PTPRS: variants seen among roughly 807,000 people sequenced by gnomAD.
PTPRS encodes receptor-type tyrosine-protein phosphatase S.
A neutral mutation model predicts 215.3 loss-of-function variants in PTPRS; 63 were observed. The observed-to-expected ratio is 0.29, with a 90% CI of 0.24 to 0.36. PTPRS has a LOEUF of 0.36. Among genes scored for constraint, PTPRS ranks in the 10% least tolerant of loss-of-function variants. The pLI, the probability that PTPRS is intolerant of heterozygous loss-of-function variation, is 1.00. For missense variants in PTPRS, 2,258 were observed against 2,825.8 expected, an observed-to-expected ratio of 0.80 and a Z score of 4.56; for synonymous variants, 1,404 against 1,191.4, an observed-to-expected ratio of 1.18 and a Z score of -3.68.
chr19:5,287,709 T>C lies in PTPRS; in HGVS notation c.-94-1475A>G, dbSNP rs920805869. Among the ~76,000 whole-genome samples, 11 of 151,920 alleles carry C rather than the reference T, an allele frequency of 7.2e-5. No individual in the cohort carries two copies. Among genetic ancestry groups the C allele is most frequent in the African/African-American group, 2.7e-4 (11 of 41,358 alleles). On this transcript the variant is annotated intron_variant, in intron 1 of 37. Coordinates refer to ENST00000262963, the MANE Select transcript of PTPRS (RefSeq NM_002850.4). The surrounding 1 kb of genome is among the most constrained non-coding windows in gnomAD (Gnocchi z 4.8). ...CCCTGGGGCGGTCCCAGGGGAAGGA[T>C]GGGCGGGTAGTGGCCGGGTCACAGC...
chr19:5,235,222 G>T (rs1222743516), intron 13 of PTPRS, among the ~76,000 whole-genome samples: 1 of 152,088 alleles, frequency 6.6e-6, no homozygotes, highest in East Asian at 1.9e-4. Context: ...TTACAGGCAT[G>T]AGCCGCCGCG....
At position 5,339,362 on chromosome 19, in the gene PTPRS, C is replaced by A. The variant is rs547679000; in HGVS notation, c.-95+1302G>T. ...CTTGGAAGCTGCATATTTAGGGAGACGAGAAGACGATTTGAGACTGGGGAA... is the reference window on the plus strand; with the variant it reads ...CTTGGAAGCTGCATATTTAGGGAGAAGAGAAGACGATTTGAGACTGGGGAA... On this transcript the variant is annotated intron_variant, in intron 1 of 37. Transcript: ENST00000262963. The surrounding 1 kb of genome is among the most constrained non-coding windows in gnomAD (Gnocchi z 4.2). 6.6e-6 allele frequency among the ~76,000 whole-genome samples: 1 copy of A among 151,604 alleles called. No homozygotes were observed.
chr19:5,211,522 T>A (rs1031636298), intron 33 of PTPRS, 68 bp downstream of exon 33: 1 of 1,494,294 alleles, frequency 6.7e-7, no homozygotes, highest in Non-Finnish European at 9.1e-7. Context: ...CCCACAAGAC[T>A]GGAGGCCTCT....
intron 1 of PTPRS, among the ~76,000 whole-genome samples, chr19:5,325,828 C>T (rs1407692617): frequency 1.3e-5 from 2 of 152,226 alleles, no homozygotes; most frequent in African/African-American, 4.8e-5. Flanking sequence ...ATCACCTTCT[C>T]CCCAGGCCAT....
At chr19:5,260,703 C>T in intron 7 of PTPRS, 102 bp downstream of exon 7, 2 of 1,421,580 alleles carry the variant, frequency 1.4e-6, no homozygotes, top group Non-Finnish European at 2.0e-6. Context: ...GCAGGGTGGA[C>T]ACGCATGGAA....
At chr19:5,340,351 T>A (rs1015133855) in intron 1 of PTPRS, among the ~76,000 whole-genome samples, 15 of 150,904 alleles carry the variant, frequency 9.9e-5, no homozygotes, top group African/African-American at 2.9e-4. Context: ...CAGCTTCCAA[T>A]GCCGCGCTCT....
chr19:5,330,382 C>T (rs1012391721), intron 1 of PTPRS, among the ~76,000 whole-genome samples: 1 of 152,250 alleles, frequency 6.6e-6, no homozygotes, highest in African/African-American at 2.4e-5. Context: ...TGAGAAAACA[C>T]AGGGCCAGGC....
At position 5,227,709 on chromosome 19, in the gene PTPRS, C is replaced by A. The variant is rs555513147; in HGVS notation, c.2376+1607G>T. ...ACAGGCGTGAGCCACCATGCCCTGC[C>A]GATGTGTGTTTTGTTCCGATTAACA... On this transcript the variant is annotated intron_variant, in intron 16 of 37. Transcript: ENST00000262963. 7.9e-5 allele frequency among the ~76,000 whole-genome samples: 12 copies of A among 152,250 alleles called. No individual in the cohort carries two copies. In the East Asian group the frequency reaches 2.1e-3, roughly 27 times the overall value.
At chr19:5,340,638 GATTTT>G in intron 1 of PTPRS, 21 bp downstream of exon 1, 1 of 141,928 alleles carries the variant, frequency 7.0e-6, no homozygotes, top group Non-Finnish European at 1.5e-5. Context: ...TCTAATCCAT[GATTTT>G]ATTTTTTTTT....
At chr19:5,305,746 A>AATAAATAT (rs71172708) in intron 1 of PTPRS, among the ~76,000 whole-genome samples, 6,640 of 105,116 alleles carry the variant, frequency 0.063, 224 homozygotes, top group Non-Finnish European at 0.094. Context: ...TAAATAAATA[A>AATAAATAT]ATATATATAT....
intron 14 of PTPRS, among the ~76,000 whole-genome samples, chr19:5,230,842 A>C (rs1715214175): frequency 6.6e-6 from 1 of 152,144 alleles, no homozygotes; most frequent in South Asian, 2.1e-4. Flanking sequence ...CCAAGCTAGG[A>C]CCACTGCCTT....
chr19:5,220,331 G>A lies in PTPRS; in HGVS notation c.3478C>T (p.Pro1160Ser), dbSNP rs2041867438. 4 of 1,613,722 alleles carry A rather than the reference G, an allele frequency of 2.5e-6. No homozygotes were observed. In the East Asian group the frequency reaches 8.9e-5, roughly 36 times the overall value. The change falls in exon 21 of 38, where the codon CCA becomes TCA. Residue 1160 changes from proline to serine, a missense_variant. Physicochemically the swap from Pro to Ser is moderately conservative, Grantham distance 74. This residue lies in a region of PTPRS where 927 missense variants were observed against 1,125.9 expected (regional missense o/e 0.82). Coordinates refer to ENST00000262963, the MANE Select transcript of PTPRS (RefSeq NM_002850.4). ...TGGCCTCCACGAGACTTGCGCAGTG[G>A]CACCATCACAATGAAATAGCTCCTG... ...PVQSYFIVMV[P>S]LRKSRGGQFL...
At chr19:5,224,592 C>T (rs1264167340) in intron 17 of PTPRS, among the ~76,000 whole-genome samples, 2 of 152,230 alleles carry the variant, frequency 1.3e-5, no homozygotes, top group East Asian at 3.8e-4. Flanking sequence ...GACTTCTCTA[C>T]TGCAGGACTT....
intron 13 of PTPRS, among the ~76,000 whole-genome samples, chr19:5,235,178 G>A (rs546423027): frequency 6.6e-6 from 1 of 152,108 alleles, no homozygotes. Context: ...CTGACCTCGT[G>A]ATCCGCCCAC....
chr19:5,300,876 C>T (rs995087002), intron 1 of PTPRS, among the ~76,000 whole-genome samples: 3 of 151,922 alleles, frequency 2.0e-5, no homozygotes, highest in Admixed American at 6.6e-5. Context: ...ACATCAATGG[C>T]TCAGAGGCCT....
intron 1 of PTPRS, among the ~76,000 whole-genome samples, chr19:5,310,318 C>CTTTT (rs35505548): frequency 7.4e-6 from 1 of 134,342 alleles, no homozygotes; most frequent in Non-Finnish European, 1.6e-5. Flanking sequence ...TTTTTCTTTT[C>CTTTT]TTTTTTTTTT....
At position 5,295,100 on chromosome 19, in the gene PTPRS, C is replaced by T. The variant is rs555547866; in HGVS notation, c.-94-8866G>A. Among the ~76,000 whole-genome samples, 10 of 152,286 alleles carry T rather than the reference C, an allele frequency of 6.6e-5. No individual in the cohort carries two copies. Among genetic ancestry groups the T allele is most frequent in the Admixed American group, 2.6e-4 (4 of 15,302 alleles). The stretch of plus-strand genomic sequence containing the variant: ...CCTTGCTTGTATCTGTGGCAAGGCA[C>T]GGGGCTCATACAGACTCGAGTTTGA... On this transcript the variant is annotated intron_variant, in intron 1 of 37. Transcript: ENST00000262963. The surrounding 1 kb of genome is among the most constrained non-coding windows in gnomAD (Gnocchi z 4.6).
At chr19:5,271,376 G>C (rs2046894527) in intron 4 of PTPRS, among the ~76,000 whole-genome samples, 2 of 151,410 alleles carry the variant, frequency 1.3e-5, no homozygotes, top group Non-Finnish European at 2.9e-5. Context: ...CTTGTGGTGA[G>C]AACCATTATT....
At chr19:5,246,786 T>C (rs1209779508) in intron 9 of PTPRS, among the ~76,000 whole-genome samples, 1 of 152,018 alleles carries the variant, frequency 6.6e-6, no homozygotes, top group African/African-American at 2.4e-5. Flanking sequence ...ATTTTTGTGG[T>C]TTTTGGGTAT....
Sources: allele counts gnomAD v4.1 joint callset (sites outside exome capture counted in the v4.1 genomes callset), GRCh38; gene constraint gnomAD v4.1.1; regional missense constraint gnomAD v4.1.1; non-coding constraint Gnocchi (gnomAD v3.1); transcripts MANE v1.5; gene names NCBI Gene and HGNC (gene_info 2026-07-23, HGNC 2026-07-21).